Variants in ATXN7L1 observed in about 807,000 individuals in gnomAD.
ATXN7L1 encodes ataxin-7-like protein 1.
A neutral mutation model predicts 70.8 loss-of-function variants in ATXN7L1; 15 were observed. The observed-to-expected ratio is 0.21, with a 90% CI of 0.14 to 0.33. The LOEUF is 0.33. Among genes scored for constraint, ATXN7L1 ranks in the 10% least tolerant of loss-of-function variants. The probability of loss-of-function intolerance (pLI) is 1.00; values close to 1 mark genes in which losing one functional copy is unlikely to be tolerated. For missense variants in ATXN7L1, 975 were observed against 1,097.1 expected (o/e 0.89, Z 1.57); for synonymous variants, 440 against 445.1 (o/e 0.99, Z 0.14).
At chr7:105,707,529 G>C (rs111543923) in intron 3 of ATXN7L1, among the ~76,000 whole-genome samples, 25 of 152,156 alleles carry the variant, frequency 1.6e-4, no homozygotes, top group Admixed American at 1.6e-3. Flanking sequence ...TTGGTATGCA[G>C]GGCATACCAA....
chr7:105,692,424 T>TCCTTCCTTCCCTCCTTCCTTCCTTCCTC, intron 3 of ATXN7L1, among the ~76,000 whole-genome samples: 1 of 88,176 alleles, frequency 1.1e-5, no homozygotes, highest in East Asian at 3.7e-4. Flanking sequence ...CTTCCTTCCT[T>TCCTTCCTTCCCTCCTTCCTTCCTTCCTC]CCTCCCTCCC....
intron 3 of ATXN7L1, among the ~76,000 whole-genome samples, chr7:105,674,544 G>A (rs557716516): frequency 1.3e-5 from 2 of 152,148 alleles, no homozygotes; most frequent in African/African-American, 4.8e-5. Context: ...CCAAGGTCAC[G>A]CAGACCTCAG....
At chr7:105,633,218 A>C (rs1721476) in intron 7 of ATXN7L1, among the ~76,000 whole-genome samples, 148,323 of 152,242 alleles carry the variant, frequency 0.97, 72,360 homozygotes, top group East Asian at 1. Flanking sequence ...ACCTCCCACA[A>C]ATCTTTTCAC....
intron 4 of ATXN7L1, among the ~76,000 whole-genome samples, chr7:105,651,934 C>T (rs772771502): frequency 6.6e-6 from 1 of 152,180 alleles, no homozygotes; most frequent in African/African-American, 2.4e-5. Context: ...CAGGAGGCCC[C>T]AGCGCATGTC....
chr7:105,822,807 C>G (rs1004109723), intron 2 of ATXN7L1, among the ~76,000 whole-genome samples: 1 of 152,162 alleles, frequency 6.6e-6, no homozygotes. Flanking sequence ...TCTAAGTGAG[C>G]TTTATATGCC....
chr7:105,788,428 G>T, intron 3 of ATXN7L1, 176 bp downstream of exon 3: 1 of 588,672 alleles, frequency 1.7e-6, no homozygotes, highest in Non-Finnish European at 3.0e-6. Context: ...GATTTCAGCA[G>T]AAGGACTACA....
chr7:105,782,149 A>C (rs1191200907), intron 3 of ATXN7L1, among the ~76,000 whole-genome samples: 3 of 152,090 alleles, frequency 2.0e-5, no homozygotes, highest in Non-Finnish European at 2.9e-5. Context: ...CTGGAATTTT[A>C]ATCTATCAAA....
chr7:105,683,837 G>A (rs533947541), intron 3 of ATXN7L1, among the ~76,000 whole-genome samples: 21 of 152,134 alleles, frequency 1.4e-4, no homozygotes, highest in Non-Finnish European at 2.8e-4. Flanking sequence ...CAACCTGATC[G>A]TTCATCCCTG....
chr7:105,737,586 T>C (rs1797540715), intron 3 of ATXN7L1, among the ~76,000 whole-genome samples: 1 of 150,936 alleles, frequency 6.6e-6, no homozygotes, highest in Admixed American at 6.6e-5. Context: ...TAGCCTATCA[T>C]TTGACCATAT....
chr7:105,849,261 G>A (rs989260369), intron 2 of ATXN7L1, among the ~76,000 whole-genome samples: 2 of 152,210 alleles, frequency 1.3e-5, no homozygotes, highest in South Asian at 2.1e-4. Context: ...ACACCAGGGC[G>A]TCACTCCTTG....
chr7:105,791,033 G>C (rs987657275), intron 2 of ATXN7L1, among the ~76,000 whole-genome samples: 7 of 152,236 alleles, frequency 4.6e-5, no homozygotes, highest in African/African-American at 1.7e-4. Flanking sequence ...AGGCCCCCAG[G>C]CTCTGTGCTG....
intron 3 of ATXN7L1, among the ~76,000 whole-genome samples, chr7:105,676,159 A>G (rs928243912): frequency 2.0e-5 from 3 of 152,144 alleles, no homozygotes; most frequent in African/African-American, 7.2e-5. Flanking sequence ...TGGAGCCAGA[A>G]CCACGATCCT....
In ATXN7L1 at chr7:105,607,862, G is replaced by A; in HGVS notation, c.2576C>T (p.Thr859Ile). Residue 859 changes from threonine to isoleucine, a missense_variant, in exon 12 of 12, where the codon ACT becomes ATT. By Grantham distance (89) the Thr-to-Ile change is moderately conservative. This residue lies in a region of ATXN7L1 where 635 missense variants were observed against 699.4 expected (regional missense o/e 0.91). Transcript: ENST00000419735. Reference sequence around the variant, plus strand: ...GGCTTCATAGTCTTGTTATGGAAGAGTCCTTATCCTGCCCGTTCTGTTTGT... The same window carrying A: ...GGCTTCATAGTCTTGTTATGGAAGAATCCTTATCCTGCCCGTTCTGTTTGT... ...QNTNRTGRIR[T>I]LP 1 of 1,551,964 alleles carries A rather than the reference G, an allele frequency of 6.4e-7. No individual in the cohort carries two copies. Among genetic ancestry groups the A allele is most frequent in the Non-Finnish European group, 8.7e-7 (1 of 1,147,004 alleles).
intron 2 of ATXN7L1, among the ~76,000 whole-genome samples, chr7:105,843,446 C>T (rs572529579): frequency 3.3e-5 from 5 of 152,224 alleles, no homozygotes; most frequent in African/African-American, 9.6e-5. Context: ...GCTAAGTGAG[C>T]GGATGGCCCC....
chr7:105,632,365 A>C (rs765588547), intron 7 of ATXN7L1, among the ~76,000 whole-genome samples: 6 of 152,256 alleles, frequency 3.9e-5, no homozygotes, highest in Non-Finnish European at 8.8e-5. Context: ...AAAGCATCAT[A>C]AATGATTTAA....
chr7:105,765,980 T>G (rs1049580813), intron 3 of ATXN7L1, among the ~76,000 whole-genome samples: 3 of 152,022 alleles, frequency 2.0e-5, no homozygotes, highest in Admixed American at 6.6e-5. Context: ...CTAGTTAATC[T>G]GGCAGCTGTG....
intron 3 of ATXN7L1, among the ~76,000 whole-genome samples, chr7:105,748,974 C>T (rs554245835): frequency 8.5e-5 from 13 of 152,258 alleles, no homozygotes; most frequent in African/African-American, 3.1e-4. Flanking sequence ...GTGAGAGAGA[C>T]AATGCTTGGG....
intron 2 of ATXN7L1, among the ~76,000 whole-genome samples, chr7:105,836,972 C>A (rs549443592): frequency 1.3e-5 from 2 of 152,046 alleles, no homozygotes; most frequent in Non-Finnish European, 2.9e-5. Flanking sequence ...GCAGGAGAAT[C>A]GCTTGAACCC....
chr7:105,730,294 T>C (rs1409228589), intron 3 of ATXN7L1, among the ~76,000 whole-genome samples: 2 of 152,094 alleles, frequency 1.3e-5, no homozygotes, highest in Non-Finnish European at 2.9e-5. Context: ...CCCCAAAACA[T>C]ATAACCCAAG....
Sources: allele counts gnomAD v4.1 joint callset (sites outside exome capture counted in the v4.1 genomes callset), GRCh38; gene constraint gnomAD v4.1.1; regional missense constraint gnomAD v4.1.1; transcripts MANE v1.5; gene names NCBI Gene and HGNC (gene_info 2026-07-23, HGNC 2026-07-21).